Variants in ADCY7 observed in about 807,000 individuals in gnomAD.
The protein encoded by ADCY7 is adenylate cyclase type 7.
A neutral mutation model predicts 120.6 loss-of-function variants in ADCY7; 72 were observed. The ratio of observed to expected loss-of-function variants is 0.60; its 90% confidence interval spans 0.49 to 0.73. The LOEUF is 0.73. ADCY7 is among the 30% of genes least tolerant of loss of function. The pLI, the probability that ADCY7 is intolerant of heterozygous loss-of-function variation, is 0.00. For synonymous variants in ADCY7, 661 were observed against 628.0 expected (o/e 1.05, Z -0.78); for missense variants, 1,227 against 1,486.0 (o/e 0.83, Z 2.87).
intron 1 of ADCY7, among the ~76,000 whole-genome samples, chr16:50,273,224 TG>T (rs1299973750): frequency 6.6e-6 from 1 of 152,100 alleles, no homozygotes; most frequent in East Asian, 1.9e-4. Context: ...GTCCATTCTG[TG>T]GGTTAGGAAA....
At chr16:50,305,628 C>G (rs1323586789) in intron 13 of ADCY7, 42 bp downstream of exon 13, 3 of 1,551,426 alleles carry the variant, frequency 1.9e-6, no homozygotes, top group East Asian at 2.2e-5. Context: ...TCCTCTCCCC[C>G]TCGGATAGGG....
intron 4 of ADCY7, 96 bp from the exon 5 acceptor site, chr16:50,292,580 G>T (rs2035058747): frequency 2.1e-6 from 3 of 1,461,480 alleles, no homozygotes; most frequent in South Asian, 2.6e-5. Context: ...GTCAGGGAAT[G>T]GGAAGAGGTG....
Position 50,304,553 on chromosome 16 carries a change from T to TA in ADCY7, c.1560+3dup, listed in dbSNP as rs1229699715. On this transcript the variant is annotated splice_region_variant and intron_variant, in intron 11 of 25. Coordinates refer to ENST00000673801, the MANE Select transcript of ADCY7 (RefSeq NM_001114.5). The stretch of plus-strand genomic sequence containing the variant: ...GTCCCCAACGGGCGGAGGCCTAAGG[T>TA]AGGTCCCCCTCCCACCCAGAAAGCC... 6.5e-7 allele frequency: 1 copy of TA among 1,534,120 alleles called. No homozygotes were observed. The highest frequency in any genetic ancestry group is 2.0e-5 in the Admixed American group (1 of 48,976).
chr16:50,283,164 C>A (rs2034381737), intron 1 of ADCY7, among the ~76,000 whole-genome samples: 1 of 152,188 alleles, frequency 6.6e-6, no homozygotes. Flanking sequence ...GGTCCAGAAG[C>A]CTGATGTGGA....
intron 1 of ADCY7, among the ~76,000 whole-genome samples, chr16:50,267,603 G>A (rs1436709018): frequency 7.9e-5 from 12 of 152,196 alleles, no homozygotes; most frequent in Admixed American, 2.6e-4. Context: ...GCTGTGAGGG[G>A]TGGACTCAAC....
chr16:50,273,666 G>T (rs1012647012), intron 1 of ADCY7, among the ~76,000 whole-genome samples: 1 of 152,344 alleles, frequency 6.6e-6, no homozygotes, highest in East Asian at 1.9e-4. Flanking sequence ...GAAGAGAAGG[G>T]TTTCATCCCC....
chr16:50,307,943 C>T (rs541484622), intron 15 of ADCY7, among the ~76,000 whole-genome samples: 25 of 148,038 alleles, frequency 1.7e-4, no homozygotes, highest in African/African-American at 5.7e-4. Flanking sequence ...TTGCAGTGAG[C>T]CGAGATCATG....
At chr16:50,298,764 C>G in intron 7 of ADCY7, 140 bp from the exon 8 acceptor site, 1 of 1,234,544 alleles carries the variant, frequency 8.1e-7, no homozygotes. Context: ...CCAGAAGTGG[C>G]TCCTGGTGAC....
intron 8 of ADCY7, among the ~76,000 whole-genome samples, chr16:50,299,727 G>A (rs2035592354): frequency 6.6e-6 from 1 of 152,244 alleles, no homozygotes; most frequent in South Asian, 2.1e-4. Context: ...ACCACTGCCT[G>A]TGTGACCTCA....
intron 1 of ADCY7, among the ~76,000 whole-genome samples, chr16:50,248,296 C>T (rs941132320): frequency 6.6e-6 from 1 of 152,252 alleles, no homozygotes; most frequent in Non-Finnish European, 1.5e-5. Flanking sequence ...TGACCCCCAC[C>T]TCTTGGAGCC....
intron 11 of ADCY7, 38 bp from the exon 12 acceptor site, chr16:50,304,887 T>TG (rs752505776): frequency 1.2e-6 from 2 of 1,613,526 alleles, no homozygotes; most frequent in African/African-American, 2.7e-5. Context: ...CCCAGTGTTC[T>TG]GGGGAATGAC....
At chr16:50,314,491 A>G in intron 24 of ADCY7, 85 bp downstream of exon 24, 1 of 990,602 alleles carries the variant, frequency 1.0e-6, no homozygotes, top group Non-Finnish European at 1.6e-6. Flanking sequence ...GCACCTCGCC[A>G]TCTATTATGA....
chr16:50,245,344 G>A (rs1213556241), upstream of ADCY7, among the ~76,000 whole-genome samples: 1 of 152,198 alleles, frequency 6.6e-6, no homozygotes, highest in East Asian at 1.9e-4. Flanking sequence ...GGGTACCAGG[G>A]AGCTTTAGAC....
At chr16:50,270,947 A>G (rs1361232898) in intron 1 of ADCY7, among the ~76,000 whole-genome samples, 6 of 152,018 alleles carry the variant, frequency 3.9e-5, no homozygotes, top group Admixed American at 3.9e-4. Flanking sequence ...CCCACCAAGG[A>G]CAGTAGCATG....
chr16:50,248,805 G>A (rs867367203), intron 1 of ADCY7, among the ~76,000 whole-genome samples: 3 of 152,308 alleles, frequency 2.0e-5, no homozygotes, highest in Middle Eastern at 3.4e-3. Flanking sequence ...AGGATATCAC[G>A]TGGTGAGGTT....
At chr16:50,248,046 G>T (rs1343403194) in intron 1 of ADCY7, among the ~76,000 whole-genome samples, 1 of 152,196 alleles carries the variant, frequency 6.6e-6, no homozygotes, top group Non-Finnish European at 1.5e-5. Context: ...CCCATTTGCA[G>T]ATGAGAAAGC....
At chr16:50,253,104 C>T (rs139983829) in intron 1 of ADCY7, among the ~76,000 whole-genome samples, 253 of 152,198 alleles carry the variant, frequency 1.7e-3, no homozygotes, top group African/African-American at 5.7e-3. Context: ...GTGCCCTGCA[C>T]GATTTTCTCT....
At chr16:50,247,978 G>T (rs1478050955) in intron 1 of ADCY7, among the ~76,000 whole-genome samples, 1 of 152,150 alleles carries the variant, frequency 6.6e-6, no homozygotes, top group African/African-American at 2.4e-5. Flanking sequence ...CCCTTACAAA[G>T]CCCCTGCGTA....
chr16:50,282,684 ACCCCG>A (rs1212512947), intron 1 of ADCY7, among the ~76,000 whole-genome samples: 1 of 148,672 alleles, frequency 6.7e-6, no homozygotes, highest in African/African-American at 2.5e-5. Flanking sequence ...GGTGATAGGG[ACCCCG>A]GATATCCTGT....
Sources: gnomAD v4.1 joint callset for allele counts (sites outside exome capture counted in the v4.1 genomes callset) on GRCh38, gnomAD v4.1.1 for gene constraint, MANE v1.5 for transcripts, NCBI Gene and HGNC (gene_info 2026-07-23, HGNC 2026-07-21) for gene names.